Variants in PTPRN2 observed in about 807,000 individuals in gnomAD.
PTPRN2 encodes the protein protein tyrosine phosphatase receptor type N2, also known as receptor-type tyrosine-protein phosphatase N2.
In PTPRN2, 74 loss-of-function variants were observed where a neutral mutation model predicts 118.8. The ratio of observed to expected loss-of-function variants is 0.62; its 90% confidence interval spans 0.52 to 0.76. The LOEUF is 0.76. Among genes scored for constraint, PTPRN2 ranks in the 30% least tolerant of loss-of-function variants. The pLI, the probability that PTPRN2 is intolerant of heterozygous loss-of-function variation, is 0.00. For synonymous variants in PTPRN2, 641 were observed against 608.0 expected (o/e 1.05, Z -0.80); for missense variants, 1,481 against 1,394.4 (o/e 1.06, Z -0.99).
chr7:157,739,308 G>A (rs1800485138), intron 12 of PTPRN2: 1 of 152,248 alleles, frequency 6.6e-6, no homozygotes, highest in African/African-American at 2.4e-5. Flanking sequence ...CAGCAGATGT[G>A]ATGTTGGCTG....
In PTPRN2 at chr7:157,842,861, G is replaced by A. The variant is rs145405235; in HGVS notation, c.1788+55812C>T. On this transcript the variant is annotated intron_variant, in intron 12 of 22. Transcript: ENST00000389418. ...TAACTATTCTTGGGAAAGAGGCAAG[G>A]CACAAGTAAATTAAATATATTAACA... is the stretch of plus-strand genomic sequence containing the variant. 5.9e-5 allele frequency among the ~76,000 whole-genome samples: 9 copies of A among 152,158 alleles called. No individual in the cohort carries two copies. In the East Asian group the frequency reaches 1.7e-3, roughly 29 times the overall value.
At chr7:158,441,552 A>AGTGGTGGCAGTGGTG (rs1477446899) in intron 2 of PTPRN2, among the ~76,000 whole-genome samples, 2 of 128,106 alleles carry the variant, frequency 1.6e-5, no homozygotes, top group Admixed American at 7.7e-5. Context: ...TGGTGATGGC[A>AGTGGTGGCAGTGGTG]GTGATAGTGA....
intron 12 of PTPRN2, among the ~76,000 whole-genome samples, chr7:157,871,349 G>T (rs989376994): frequency 2.0e-5 from 3 of 152,212 alleles, no homozygotes; most frequent in African/African-American, 7.2e-5. Context: ...TCTGATGCAG[G>T]CTGACATATG....
At chr7:158,420,109 G>C (rs1815123569) in intron 2 of PTPRN2, among the ~76,000 whole-genome samples, 4 of 152,172 alleles carry the variant, frequency 2.6e-5, no homozygotes, top group Non-Finnish European at 4.4e-5. Context: ...CAGCACAACA[G>C]TGAGTAAAGA....
At chr7:158,507,427 G>A (rs188229724) in intron 1 of PTPRN2, among the ~76,000 whole-genome samples, 1 of 151,940 alleles carries the variant, frequency 6.6e-6, no homozygotes, top group East Asian at 1.9e-4. Flanking sequence ...GGTCAGTGAG[G>A]ACCATCCAGG....
intron 3 of PTPRN2, among the ~76,000 whole-genome samples, chr7:158,272,225 C>T (rs1039199607): frequency 6.6e-6 from 1 of 152,110 alleles, no homozygotes; most frequent in Non-Finnish European, 1.5e-5. Context: ...GGAAAAACAG[C>T]CCCCCGGGAC....
At chr7:158,095,276 T>C (rs1293369518) in intron 10 of PTPRN2, among the ~76,000 whole-genome samples, 1 of 150,994 alleles carries the variant, frequency 6.6e-6, no homozygotes, top group Non-Finnish European at 1.5e-5. Flanking sequence ...GTATCTAGTA[T>C]TGACGGTGTA....
chr7:157,981,053 C>T (rs73520869), intron 11 of PTPRN2, among the ~76,000 whole-genome samples: 6,959 of 152,310 alleles, frequency 0.046, 532 homozygotes, highest in African/African-American at 0.16. Context: ...TGATGCCCTG[C>T]GCACTCTGGC....
At chr7:157,876,002 G>A (rs1024912956) in intron 12 of PTPRN2, among the ~76,000 whole-genome samples, 6 of 152,208 alleles carry the variant, frequency 3.9e-5, no homozygotes, top group Non-Finnish European at 8.8e-5. Context: ...GGGTCAGCAG[G>A]GCAGGTATGC....
chr7:157,980,449 A>G (rs1428756377), intron 11 of PTPRN2, among the ~76,000 whole-genome samples: 1 of 152,254 alleles, frequency 6.6e-6, no homozygotes, highest in Non-Finnish European at 1.5e-5. Context: ...CATAAGATAC[A>G]GCCATAGATA....
rs1389672645 is a variant in PTPRN2 at position 158,015,905 on chromosome 7, T to G, written c.1723+65393A>C. ...AGGGTCAGCTTCCGCTAAGAAAGCC[T>G]CAGCCACGTCCCTGGGGAAGTTTCA... On this transcript the variant is annotated intron_variant, in intron 11 of 22. Coordinates refer to ENST00000389418, the MANE Select transcript of PTPRN2 (RefSeq NM_002847.5). This position sits in a 1 kb window ranked among gnomAD's most constrained non-coding sequence, Gnocchi z 4.2. Among the ~76,000 whole-genome samples, 2 of 152,112 alleles carry G rather than the reference T, an allele frequency of 1.3e-5. No individual in the cohort carries two copies. Among genetic ancestry groups the G allele is most frequent in the African/African-American group, 4.8e-5 (2 of 41,414 alleles).
chr7:158,145,281 G>C (rs904949471), intron 6 of PTPRN2, among the ~76,000 whole-genome samples: 2 of 149,972 alleles, frequency 1.3e-5, no homozygotes, highest in African/African-American at 2.5e-5. Context: ...ATCGCGAGAA[G>C]GTTCCAGAAT....
intron 2 of PTPRN2, among the ~76,000 whole-genome samples, chr7:158,419,682 C>T (rs1040260654): frequency 6.6e-6 from 1 of 152,210 alleles, no homozygotes; most frequent in African/African-American, 2.4e-5. Context: ...AGAAGAGAGT[C>T]GAATTCACAA....
intron 21 of PTPRN2, among the ~76,000 whole-genome samples, chr7:157,567,166 G>A (rs760011156): frequency 3.9e-5 from 6 of 152,190 alleles, no homozygotes; most frequent in Non-Finnish European, 8.8e-5. Flanking sequence ...AGAAATATTT[G>A]ACAAGACACA....
At chr7:158,313,065 T>G (rs1802000177) in intron 3 of PTPRN2, among the ~76,000 whole-genome samples, 2 of 151,938 alleles carry the variant, frequency 1.3e-5, no homozygotes, top group African/African-American at 4.8e-5. Flanking sequence ...CAGGTTTGTC[T>G]GCGTGTGGGT....
In PTPRN2 at chr7:158,365,844, ACACACC is replaced by A. The variant is rs1342596859; in HGVS notation, c.164-48918_164-48913del. The stretch of plus-strand genomic sequence containing the variant: ...CAGACCAGTGCATGCGTGCACACAC[ACACACC>A]CACACACACACAGCATCCCTGGGAG... On this transcript the variant is annotated intron_variant, in intron 2 of 22. Coordinates refer to ENST00000389418, the MANE Select transcript of PTPRN2 (RefSeq NM_002847.5). Among the ~76,000 whole-genome samples, 102 of 144,736 alleles carry A rather than the reference ACACACC, an allele frequency of 7.0e-4. 7 individuals carry two copies. Among genetic ancestry groups the A allele is most frequent in the Non-Finnish European group, 1.4e-3 (92 of 66,264 alleles). The allele number at this position is 144,736 out of a possible 152,430, so 95.0% of individuals were successfully genotyped here.
intron 11 of PTPRN2, among the ~76,000 whole-genome samples, chr7:157,913,463 C>T (rs1798208473): frequency 6.6e-6 from 1 of 152,238 alleles, no homozygotes; most frequent in African/African-American, 2.4e-5. Context: ...TGAGAGCCCA[C>T]ATCCCTGTCT....
Position 157,729,022 on chromosome 7 carries a change from G to C in PTPRN2, c.1789-46085C>G, listed in dbSNP as rs1799746451. On this transcript the variant is annotated intron_variant, in intron 12 of 22. Transcript: ENST00000389418. The surrounding 1 kb of genome is among the most constrained non-coding windows in gnomAD (Gnocchi z 4.3). ...GCTCACGTGATCCAGTCACACAGAG[G>C]TCGGTCGTTGTCTGGACACAGACAA... 6.6e-6 allele frequency among the ~76,000 whole-genome samples: 1 copy of C among 152,204 alleles called. No individual in the cohort carries two copies. The highest frequency in any genetic ancestry group is 6.5e-5 in the Admixed American group (1 of 15,278).
At chr7:157,707,185 T>C (rs13240699) in intron 12 of PTPRN2, among the ~76,000 whole-genome samples, 103,347 of 151,644 alleles carry the variant, frequency 0.68, 35,441 homozygotes, top group South Asian at 0.8. Context: ...CACACACAGA[T>C]ACAGCATACA....
Sources: allele counts gnomAD v4.1 joint callset (sites outside exome capture counted in the v4.1 genomes callset), GRCh38; gene constraint gnomAD v4.1.1; non-coding constraint Gnocchi (gnomAD v3.1); transcripts MANE v1.5; gene names NCBI Gene and HGNC (gene_info 2026-07-23, HGNC 2026-07-21).